The following TRAPPC9 variants were observed in gnomAD, a reference collection of about 807,000 sequenced individuals.
TRAPPC9 encodes the protein IKK2 binding protein.
Under a neutral mutation model 124.0 loss-of-function variants are expected in TRAPPC9, and 83 were observed. That is an observed-to-expected ratio of 0.67 (90% CI 0.56 to 0.80). TRAPPC9 has a LOEUF of 0.80. TRAPPC9 is among the 30% of genes least tolerant of loss of function. The pLI is 0.00. For synonymous variants in TRAPPC9, 638 were observed against 617.5 expected (o/e 1.03, Z -0.49); for missense variants, 1,302 against 1,508.3 (o/e 0.86, Z 2.27).
rs2065944317 is a variant in TRAPPC9 at position 140,300,494 on chromosome 8, A to C, written c.1743T>G (p.Arg581=). 6.2e-7 allele frequency: 1 copy of C among 1,614,174 alleles called. No individual in the cohort carries two copies. The highest frequency in any genetic ancestry group is 1.1e-5 in the South Asian group (1 of 91,082). The change falls in exon 11 of 23, where the codon CGT becomes CGG. Residue 581 remains arginine (R), a synonymous_variant. Transcript: ENST00000438773. ...FIYSPIIAHN[R]GEERNKKIDF... ...CTATTTTCTTGTTCCGCTCTTCTCC[A>C]CGGTTGTGTGCGATAATTGGTGAAT...
intron 21 of TRAPPC9, among the ~76,000 whole-genome samples, chr8:139,751,384 G>C (rs1385952807): frequency 6.6e-6 from 1 of 152,150 alleles, no homozygotes; most frequent in East Asian, 1.9e-4. Context: ...TCAGACACCA[G>C]ATCACCCCTG....
intron 18 of TRAPPC9, among the ~76,000 whole-genome samples, chr8:140,021,037 T>C (rs1475919482): frequency 6.6e-6 from 1 of 152,226 alleles, no homozygotes; most frequent in Non-Finnish European, 1.5e-5. Flanking sequence ...AGTTGGCATC[T>C]TACTTTCTTG....
At chr8:140,069,244 C>T (rs529196419) in intron 17 of TRAPPC9, among the ~76,000 whole-genome samples, 3 of 152,304 alleles carry the variant, frequency 2.0e-5, no homozygotes, top group South Asian at 2.1e-4. Flanking sequence ...GTAGCAGTGG[C>T]GCAGAAACCT....
intron 9 of TRAPPC9, among the ~76,000 whole-genome samples, chr8:140,339,483 C>G (rs2067136065): frequency 6.6e-6 from 1 of 152,128 alleles, no homozygotes; most frequent in Admixed American, 6.5e-5. Context: ...AATCCAATTC[C>G]TACACTTTTT....
chr8:139,971,715 A>G (rs997349226), intron 19 of TRAPPC9, among the ~76,000 whole-genome samples: 6 of 121,284 alleles, frequency 4.9e-5, no homozygotes, highest in Non-Finnish European at 7.2e-5. Context: ...AAGTTCATAT[A>G]TATATATACA....
intron 9 of TRAPPC9, among the ~76,000 whole-genome samples, chr8:140,351,225 C>T (rs1291328747): frequency 3.3e-5 from 4 of 121,082 alleles, no homozygotes; most frequent in Non-Finnish European, 5.2e-5. Context: ...TCCCCGCACC[C>T]CTCCAGCCCC....
chr8:139,798,799 T>C (rs1195029917), intron 21 of TRAPPC9, among the ~76,000 whole-genome samples: 2 of 152,112 alleles, frequency 1.3e-5, no homozygotes, highest in Non-Finnish European at 2.9e-5. Flanking sequence ...ACCACAAACT[T>C]GGGGGCTTAA....
Position 140,348,050 on chromosome 8 carries a change from C to T in TRAPPC9, c.1495+12000G>A, listed in dbSNP as rs575023320. Among the ~76,000 whole-genome samples, 3 of 152,360 alleles carry T rather than the reference C, an allele frequency of 2.0e-5. No individual in the cohort carries two copies. In the South Asian group the frequency reaches 6.2e-4, roughly 32 times the overall value. ...GCAACTCCAGCAGCTCTAAGAAGGG[C>T]ATTCACTCAGATGACAACTGAACAA... On this transcript the variant is annotated intron_variant, in intron 9 of 22. Coordinates refer to ENST00000438773, the MANE Select transcript of TRAPPC9 (RefSeq NM_001160372.4).
intron 21 of TRAPPC9, among the ~76,000 whole-genome samples, chr8:139,746,631 C>T (rs1818912973): frequency 6.6e-6 from 1 of 152,180 alleles, no homozygotes; most frequent in Non-Finnish European, 1.5e-5. Flanking sequence ...CAAAAAGCTG[C>T]CTGCACCAAG....
chr8:139,837,954 C>T (rs1826467736), intron 21 of TRAPPC9, among the ~76,000 whole-genome samples: 1 of 152,198 alleles, frequency 6.6e-6, no homozygotes, highest in Admixed American at 6.5e-5. Flanking sequence ...ATGTTGTCCC[C>T]TCTTCTGGCC....
At chr8:140,052,480 T>C (rs1241037784) in intron 17 of TRAPPC9, among the ~76,000 whole-genome samples, 2 of 152,024 alleles carry the variant, frequency 1.3e-5, no homozygotes, top group Non-Finnish European at 2.9e-5. Context: ...CTACAAAAAA[T>C]TATTTAAAAA....
chr8:140,074,031 A>G (rs7816732), intron 17 of TRAPPC9, among the ~76,000 whole-genome samples: 111,055 of 152,106 alleles, frequency 0.73, 41,495 homozygotes, highest in African/African-American at 0.9. Flanking sequence ...AAGGACCCCC[A>G]TGTCGCCTTT....
rs966775130 is a variant in TRAPPC9 at position 139,729,102 on chromosome 8, G to A, written c.*1959C>T. ...AAGGAAAGTACGTACTCAAGTCCCC[G>A]GTGACCAGCACCCTCATGCTGACAT... On this transcript the variant is annotated 3_prime_UTR_variant, in exon 23 of 23. Transcript: ENST00000438773. Among the ~76,000 whole-genome samples, 3 of 152,098 alleles carry A rather than the reference G, an allele frequency of 2.0e-5. No homozygotes were observed. Among genetic ancestry groups the A allele is most frequent in the Non-Finnish European group, 2.9e-5 (2 of 68,032 alleles).
rs141891871 is a variant in TRAPPC9, at chr8:140,392,887, T to C, written c.1134+4733A>G. On this transcript the variant is annotated intron_variant, in intron 7 of 22. Coordinates refer to ENST00000438773, the MANE Select transcript of TRAPPC9 (RefSeq NM_001160372.4). The stretch of plus-strand genomic sequence containing the variant: ...ACAGGAGCTGCCTGCATCCCTTTGA[T>C]ACAACCAGTGAGCCGTGAGGCAGAC... Among the ~76,000 whole-genome samples, 83 of 152,334 alleles carry C rather than the reference T, an allele frequency of 5.4e-4. No homozygotes were observed. The East Asian group carries it at 0.015, about 28-fold the overall frequency.
At chr8:140,249,966 A>ACAATTT (rs1371892441) in intron 16 of TRAPPC9, among the ~76,000 whole-genome samples, 1 of 152,200 alleles carries the variant, frequency 6.6e-6, no homozygotes, top group Non-Finnish European at 1.5e-5. Context: ...ATTTTCTGCT[A>ACAATTT]CAATTTCAAT....
At chr8:140,084,161 C>G (rs1844032553) in intron 17 of TRAPPC9, among the ~76,000 whole-genome samples, 1 of 152,114 alleles carries the variant, frequency 6.6e-6, no homozygotes, top group Non-Finnish European at 1.5e-5. Context: ...AAGGGAATAA[C>G]AACATACAAT....
chr8:140,403,022 G>C (rs1050007098), intron 6 of TRAPPC9, among the ~76,000 whole-genome samples: 2 of 152,162 alleles, frequency 1.3e-5, no homozygotes, highest in African/African-American at 4.8e-5. Flanking sequence ...TGTTTGCATA[G>C]ATTATCTCAG....
intron 21 of TRAPPC9, among the ~76,000 whole-genome samples, chr8:139,823,517 G>A (rs1016963817): frequency 2.6e-5 from 4 of 152,184 alleles, no homozygotes; most frequent in Non-Finnish European, 4.4e-5. Context: ...GCAACCATCA[G>A]AGACTCTGGC....
chr8:140,304,440 A>G (rs1172901080), intron 10 of TRAPPC9, among the ~76,000 whole-genome samples: 1 of 151,972 alleles, frequency 6.6e-6, no homozygotes, highest in Admixed American at 6.6e-5. Flanking sequence ...GTTTCCGGGC[A>G]TAGGACGTTG....
Sources: allele counts gnomAD v4.1 joint callset (sites outside exome capture counted in the v4.1 genomes callset), GRCh38; gene constraint gnomAD v4.1.1; transcripts MANE v1.5; gene names NCBI Gene and HGNC (gene_info 2026-07-23, HGNC 2026-07-21).